The following ASB3 variants were observed in gnomAD, a reference collection of about 807,000 sequenced individuals.
ASB3 encodes the protein ankyrin repeat and SOCS box protein 3.
ASB3 carries 41 observed loss-of-function variants against 54.5 expected under a neutral mutation model. The ratio of observed to expected loss-of-function variants is 0.75; its 90% CI spans 0.59 to 0.98. The LOEUF (loss-of-function observed/expected upper bound fraction) is 0.98, where lower values mean the gene tolerates loss of function less well. Ranked by LOEUF, ASB3 falls within the 50% of genes least tolerant of loss-of-function variation. ASB3 has a pLI of 0.00. For missense variants in ASB3, 733 were observed against 620.0 expected (o/e 1.18, Z -1.94); for synonymous variants, 266 against 221.2 (o/e 1.20, Z -1.80).
intron 7 of ASB3, among the ~76,000 whole-genome samples, chr2:53,705,956 G>A (rs1368625050): frequency 3.3e-5 from 5 of 152,132 alleles, no homozygotes; most frequent in South Asian, 2.1e-4. Flanking sequence ...ATCCGGGCAA[G>A]GTGATCTGTA....
chr2:53,682,224 T>C (rs111261383), intron 9 of ASB3, among the ~76,000 whole-genome samples: 5 of 152,220 alleles, frequency 3.3e-5, no homozygotes, highest in African/African-American at 4.8e-5. Context: ...ATTGGTATTT[T>C]GATAGGAATT....
At chr2:53,720,563 A>G (rs1481731713) in intron 5 of ASB3, among the ~76,000 whole-genome samples, 2 of 152,236 alleles carry the variant, frequency 1.3e-5, no homozygotes, top group Non-Finnish European at 2.9e-5. Flanking sequence ...CTAAATATAC[A>G]CACACCCAAC....
intron 5 of ASB3, among the ~76,000 whole-genome samples, chr2:53,723,949 G>A (rs980916958): frequency 2.0e-5 from 3 of 151,920 alleles, no homozygotes; most frequent in Admixed American, 1.3e-4. Flanking sequence ...TGGATTAAAA[G>A]TTTAAATGTA....
intron 1 of ASB3, among the ~76,000 whole-genome samples, chr2:53,782,561 T>C (rs1016359449): frequency 1.3e-5 from 2 of 152,204 alleles, no homozygotes; most frequent in African/African-American, 2.4e-5. Flanking sequence ...AGCAACAGTA[T>C]TTGTTTCTGG....
At chr2:53,758,022 G>A (rs374026405) in intron 2 of ASB3, among the ~76,000 whole-genome samples, 1 of 152,088 alleles carries the variant, frequency 6.6e-6, no homozygotes, top group Non-Finnish European at 1.5e-5. Context: ...GAGAGAGAGA[G>A]AAAAGAGAGG....
At chr2:53,672,809 G>C (rs1667886120) in intron 9 of ASB3, among the ~76,000 whole-genome samples, 1 of 152,050 alleles carries the variant, frequency 6.6e-6, no homozygotes, top group Non-Finnish European at 1.5e-5. Context: ...TATTTTTACA[G>C]GTTTTTTTGC....
intron 1 of ASB3, among the ~76,000 whole-genome samples, chr2:53,773,350 G>A (rs980875201): frequency 6.6e-6 from 1 of 150,406 alleles, no homozygotes; most frequent in Admixed American, 6.6e-5. Flanking sequence ...ATTCACAATG[G>A]AGATTTTAAA....
chr2:53,776,500 T>G (rs1199921664), intron 1 of ASB3, among the ~76,000 whole-genome samples: 1 of 152,146 alleles, frequency 6.6e-6, no homozygotes, highest in Non-Finnish European at 1.5e-5. Context: ...GCAATCTATT[T>G]TTATGGATTT....
At chr2:53,709,353 G>A (rs1248913439) in intron 7 of ASB3, among the ~76,000 whole-genome samples, 2 of 152,202 alleles carry the variant, frequency 1.3e-5, no homozygotes, top group African/African-American at 4.8e-5. Flanking sequence ...GAATTTAAGA[G>A]TTGAGGTTTG....
intron 3 of ASB3, among the ~76,000 whole-genome samples, chr2:53,742,075 T>C (rs1302760758): frequency 1.3e-5 from 2 of 152,176 alleles, no homozygotes; most frequent in South Asian, 2.1e-4. Context: ...GGAACTTCTC[T>C]GGACCAGTTG....
intron 1 of ASB3, among the ~76,000 whole-genome samples, chr2:53,780,867 G>A (rs773941732): frequency 3.9e-5 from 6 of 152,024 alleles, no homozygotes; most frequent in Non-Finnish European, 8.8e-5. Flanking sequence ...AAGCTTCATA[G>A]AAAAAACAAA....
intron 9 of ASB3, among the ~76,000 whole-genome samples, chr2:53,671,759 C>CA (rs201308530): frequency 0.029 from 3,169 of 110,638 alleles, 299 homozygotes; most frequent in African/African-American, 0.093. Flanking sequence ...AACTCCTTCT[C>CA]AAAAAAAAAA....
chr2:53,677,781 G>C (rs990930087), intron 9 of ASB3, among the ~76,000 whole-genome samples: 32 of 152,102 alleles, frequency 2.1e-4, no homozygotes, highest in Non-Finnish European at 7.4e-5. Flanking sequence ...AAAATCACAG[G>C]GTTTGCCCTC....
intron 3 of ASB3, among the ~76,000 whole-genome samples, chr2:53,735,079 C>A (rs555934625): frequency 1.3e-5 from 2 of 152,036 alleles, no homozygotes; most frequent in Non-Finnish European, 2.9e-5. Flanking sequence ...ACCTCCATGC[C>A]CAGATAATTT....
intron 1 of ASB3, chr2:53,767,554 A>C: frequency 4.5e-6 from 1 of 221,524 alleles, no homozygotes; most frequent in Non-Finnish European, 9.1e-6. Context: ...TCAGAGCCAA[A>C]TAGCTCCAAA....
chr2:53,746,988 G>C (rs532052710), intron 3 of ASB3, among the ~76,000 whole-genome samples: 1 of 152,138 alleles, frequency 6.6e-6, no homozygotes, highest in East Asian at 1.9e-4. Flanking sequence ...TTATTTACTG[G>C]TTTGAATTAT....
chr2:53,740,029 C>T (rs948091240), intron 3 of ASB3, among the ~76,000 whole-genome samples: 2 of 152,156 alleles, frequency 1.3e-5, no homozygotes, highest in Non-Finnish European at 2.9e-5. Flanking sequence ...ATGACATGGT[C>T]AGTAAGTCTG....
chr2:53,771,810 A>G (rs1673932359), intron 1 of ASB3: 1 of 757,426 alleles, frequency 1.3e-6, no homozygotes, highest in South Asian at 1.5e-5. Context: ...ATGAGCAAAT[A>G]TAATTCAAAT....
At chr2:53,755,977 ACC>A (rs112277299) in intron 2 of ASB3, among the ~76,000 whole-genome samples, 7 of 132,938 alleles carry the variant, frequency 5.3e-5, no homozygotes, top group African/African-American at 8.1e-5. Context: ...AAATAGTAAG[ACC>A]CCCCCCCCAC....
Sources: allele counts gnomAD v4.1 joint callset (sites outside exome capture counted in the v4.1 genomes callset), GRCh38; gene constraint gnomAD v4.1.1; transcripts MANE v1.5; gene names NCBI Gene and HGNC (gene_info 2026-07-23, HGNC 2026-07-21).